The following SEPTIN9 variants were observed in gnomAD, a reference collection of about 807,000 sequenced individuals.
SEPTIN9 encodes the protein septin-9.
Under a neutral mutation model 56.6 loss-of-function variants are expected in SEPTIN9, and 13 were observed. The observed-to-expected ratio is 0.23, with a 90% CI of 0.15 to 0.37. SEPTIN9 has a LOEUF of 0.37. Ranked by LOEUF, SEPTIN9 falls within the 10% of genes least tolerant of loss-of-function variation. The pLI, the probability that SEPTIN9 is intolerant of heterozygous loss-of-function variation, is 1.00. For synonymous variants in SEPTIN9, 332 were observed against 334.1 expected (o/e 0.99, Z 0.07); for missense variants, 650 against 823.1 (o/e 0.79, Z 2.57).
At chr17:77,339,541 G>T (rs911204551) in intron 2 of SEPTIN9, among the ~76,000 whole-genome samples, 2 of 149,376 alleles carry the variant, frequency 1.3e-5, no homozygotes, top group Non-Finnish European at 3.0e-5. Flanking sequence ...ATGGAGTCTC[G>T]CTGTGTCACC....
intron 3 of SEPTIN9, among the ~76,000 whole-genome samples, chr17:77,466,881 C>G (rs1292246099): frequency 1.3e-5 from 2 of 152,100 alleles, no homozygotes; most frequent in South Asian, 2.1e-4. Flanking sequence ...CGCACAGCAC[C>G]GGTCAGCCCT....
Position 77,499,321 on chromosome 17 carries a change from G to A in SEPTIN9, c.*663G>A. Reference sequence around the variant, plus strand: ...CAGCCATCCGCAGACTGCTTGGCCAGATGCGGGGACAGGCTGGAATGAGGG... The same window carrying A: ...CAGCCATCCGCAGACTGCTTGGCCAAATGCGGGGACAGGCTGGAATGAGGG... On this transcript the variant is annotated 3_prime_UTR_variant, in exon 12 of 12. Coordinates refer to ENST00000427177, the MANE Select transcript of SEPTIN9 (RefSeq NM_001113491.2). 1 of 596,622 alleles carries A rather than the reference G, an allele frequency of 1.7e-6. No individual in the cohort carries two copies. The highest frequency in any genetic ancestry group is 1.9e-5 in the Admixed American group (1 of 53,750). 37.0% of individuals were successfully genotyped at this position (596,622 alleles called of 1,614,324 possible). A position where few individuals can be genotyped will look rare whatever the true frequency, so the allele number is the denominator to read the frequency against.
intron 2 of SEPTIN9, among the ~76,000 whole-genome samples, chr17:77,392,751 A>G (rs1376663491): frequency 6.6e-6 from 1 of 151,530 alleles, no homozygotes; most frequent in East Asian, 2.0e-4. Context: ...CTAAGGAGGG[A>G]GCGCCTCCTC....
At chr17:77,376,951 C>T (rs991086268) in intron 2 of SEPTIN9, 1 of 152,342 alleles carries the variant, frequency 6.6e-6, no homozygotes, top group African/African-American at 2.4e-5. Context: ...GCTTTATGTT[C>T]CATCACCGAT....
intron 3 of SEPTIN9, among the ~76,000 whole-genome samples, chr17:77,403,934 G>A (rs527285835): frequency 6.6e-6 from 1 of 152,074 alleles, no homozygotes; most frequent in East Asian, 1.9e-4. Flanking sequence ...AGCTCCCCAT[G>A]CCCCTCCCCC....
rs372492267 is a variant in SEPTIN9 at position 77,487,530 on chromosome 17, C to T, written c.1020C>T (p.Ile340=). 5.3e-5 allele frequency: 86 copies of T among 1,613,502 alleles called. No homozygotes were observed. The highest frequency in any genetic ancestry group is 7.0e-5 in the Non-Finnish European group (83 of 1,179,862). The change falls in exon 5 of 12, where the codon ATC becomes ATT. Residue 340 remains isoleucine, a synonymous_variant. Coordinates refer to ENST00000427177, the MANE Select transcript of SEPTIN9 (RefSeq NM_001113491.2). This position sits in a 1 kb window ranked among gnomAD's most constrained non-coding sequence, Gnocchi z 4.3. The part of the protein sequence containing the change: ...PTSEERIPKT[I]EIKSITHDIE... ...CAGAGGAGCGCATCCCCAAGACCAT[C>T]GAGATCAAGTCCATCACGCACGGTC...
At chr17:77,284,475 G>A (rs574792471) in intron 1 of SEPTIN9, among the ~76,000 whole-genome samples, 5 of 152,350 alleles carry the variant, frequency 3.3e-5, no homozygotes, top group African/African-American at 1.2e-4. Context: ...TCTACAGGCA[G>A]TGTGGTCCAG....
intron 2 of SEPTIN9, among the ~76,000 whole-genome samples, chr17:77,356,902 A>C (rs2034272294): frequency 2.0e-5 from 3 of 148,482 alleles, no homozygotes; most frequent in African/African-American, 7.4e-5. Context: ...GGAGAGGGGA[A>C]GGCGCCGTGG....
intron 3 of SEPTIN9, among the ~76,000 whole-genome samples, chr17:77,477,401 TGA>T (rs1367513679): frequency 6.6e-6 from 1 of 152,190 alleles, no homozygotes; most frequent in African/African-American, 2.4e-5. Flanking sequence ...CTAAAAGATG[TGA>T]CTTTTTGTGC....
rs2039991172 is a variant in SEPTIN9, at chr17:77,490,750, C to G, written c.1271C>G (p.Pro424Arg). ...FIPATGHSLRPLDIEFMKRLS... is the reference protein window; with the variant it reads ...FIPATGHSLRRLDIEFMKRLS... ...ACATCCCTCTGCTTCAGCCTCAGGC[C>G]CCTGGACATCGAGTTTATGAAACGC... is the stretch of plus-strand genomic sequence containing the variant. Residue 424 changes from proline (P) to arginine (R), a missense_variant, in exon 8 of 12, where the codon CCC becomes CGC. Pro to Arg is a moderately radical substitution (Grantham distance 103, BLOSUM62 -2). Around this residue, in one of 2 missense-constraint regions of SEPTIN9, gnomAD observed 333 missense variants for 494.0 expected, o/e 0.67. Coordinates refer to ENST00000427177, the MANE Select transcript of SEPTIN9 (RefSeq NM_001113491.2). 2.5e-6 allele frequency: 4 copies of G among 1,571,882 alleles called. No individual in the cohort carries two copies. Among genetic ancestry groups the G allele is most frequent in the Non-Finnish European group, 3.5e-6 (4 of 1,158,108 alleles).
chr17:77,408,438 G>C (rs1186570338), intron 3 of SEPTIN9, among the ~76,000 whole-genome samples: 1 of 151,204 alleles, frequency 6.6e-6, no homozygotes, highest in Non-Finnish European at 1.5e-5. Flanking sequence ...GAGGGAGCAG[G>C]GGGTCAGGCC....
chr17:77,465,973 G>C (rs1188663955), intron 3 of SEPTIN9, among the ~76,000 whole-genome samples: 1 of 151,722 alleles, frequency 6.6e-6, no homozygotes, highest in Non-Finnish European at 1.5e-5. Flanking sequence ...GGGGAGGCTG[G>C]AAGTGCTGGG....
At position 77,333,153 on chromosome 17, in the gene SEPTIN9, T is replaced by C. The variant is rs140923895; in HGVS notation, c.76+25956T>C. On this transcript the variant is annotated intron_variant, in intron 2 of 11. Transcript: ENST00000427177. The stretch of plus-strand genomic sequence containing the variant: ...CTGTCACTCTGTGAAATCTTAGTCA[T>C]TCTGGTGGGCGTGTAGTGGTATCAT... 2.5e-3 allele frequency among the ~76,000 whole-genome samples: 376 copies of C among 152,362 alleles called. 1 individual carries two copies. The highest frequency in any genetic ancestry group is 4.6e-3 in the Non-Finnish European group (314 of 68,028).
At chr17:77,474,911 A>T (rs1271082578) in intron 3 of SEPTIN9, among the ~76,000 whole-genome samples, 1 of 152,056 alleles carries the variant, frequency 6.6e-6, no homozygotes, top group South Asian at 2.1e-4. Context: ...TTATGTCTAT[A>T]ATCCCAGCAC....
At chr17:77,452,460 T>C (rs2038020160) in intron 3 of SEPTIN9, among the ~76,000 whole-genome samples, 1 of 152,240 alleles carries the variant, frequency 6.6e-6, no homozygotes, top group African/African-American at 2.4e-5. Context: ...CTTTGCTTTT[T>C]CATGTGAAAT....
chr17:77,418,718 T>A (rs1338402231), intron 3 of SEPTIN9, among the ~76,000 whole-genome samples: 2 of 152,176 alleles, frequency 1.3e-5, no homozygotes, highest in Non-Finnish European at 2.9e-5. Flanking sequence ...CCCATTGATG[T>A]CTCCAGATGC....
chr17:77,312,427 G>A (rs535859340), intron 2 of SEPTIN9, among the ~76,000 whole-genome samples: 30 of 152,252 alleles, frequency 2.0e-4, no homozygotes, highest in African/African-American at 5.3e-4. Context: ...CTGAGTGCTC[G>A]GGCCCCCCCT....
rs775564844 is a variant in SEPTIN9, at chr17:77,476,146, C to T, written c.722-5998C>T. Among the ~76,000 whole-genome samples the T allele has an allele frequency of 3.3e-5, 5 of 152,124 alleles. No individual in the cohort carries two copies. The highest frequency in any genetic ancestry group is 6.5e-5 in the Admixed American group (1 of 15,282). On this transcript the variant is annotated intron_variant, in intron 3 of 11. Coordinates refer to ENST00000427177, the MANE Select transcript of SEPTIN9 (RefSeq NM_001113491.2). This position sits in a 1 kb window ranked among gnomAD's most constrained non-coding sequence, Gnocchi z 6.0. Reference sequence around the variant, plus strand: ...GGGACTTGTGTGGACATTTCTGGGACGTAGACCAGGCAGCATGACACACAG... The same window carrying T: ...GGGACTTGTGTGGACATTTCTGGGATGTAGACCAGGCAGCATGACACACAG...
chr17:77,321,838 T>C (rs2032947313), intron 2 of SEPTIN9, among the ~76,000 whole-genome samples: 1 of 152,174 alleles, frequency 6.6e-6, no homozygotes, highest in African/African-American at 2.4e-5. Context: ...CTGCATCTTA[T>C]CTGTTTGAGC....
Sources: gnomAD v4.1 joint callset for allele counts (sites outside exome capture counted in the v4.1 genomes callset) on GRCh38, gnomAD v4.1.1 for gene constraint, gnomAD v4.1.1 regional missense constraint, Gnocchi (gnomAD v3.1) non-coding constraint, MANE v1.5 for transcripts, NCBI Gene and HGNC (gene_info 2026-07-23, HGNC 2026-07-21) for gene names.